The following SLC39A11 variants were observed in gnomAD, a reference collection of about 807,000 sequenced individuals.
The protein encoded by SLC39A11 is solute carrier family 39 member 11, also known as zinc transporter ZIP11.
In SLC39A11, 33 loss-of-function variants were observed where a neutral mutation model predicts 36.1. That is an observed-to-expected ratio of 0.91 (90% CI 0.69 to 1.22). The LOEUF is 1.22. SLC39A11 is among the 50% of genes most tolerant of loss of function. SLC39A11 has a pLI of 0.00. For synonymous variants in SLC39A11, 166 were observed against 170.3 expected, an observed-to-expected ratio of 0.97 and a Z score of 0.20; for missense variants, 432 against 430.3, an observed-to-expected ratio of 1.00 and a Z score of -0.03.
intron 7 of SLC39A11, among the ~76,000 whole-genome samples, chr17:72,700,767 A>G (rs2072571879): frequency 6.6e-6 from 1 of 152,262 alleles, no homozygotes; most frequent in South Asian, 2.1e-4. Context: ...TGAAAGGCAC[A>G]TCTCACATGG....
chr17:72,902,487 G>A (rs1040321090), intron 5 of SLC39A11, among the ~76,000 whole-genome samples: 1 of 152,156 alleles, frequency 6.6e-6, no homozygotes, highest in East Asian at 1.9e-4. Flanking sequence ...ATTTCAGACC[G>A]ATGGTCTCCC....
chr17:72,855,961 AG>A (rs1252387732), intron 5 of SLC39A11, among the ~76,000 whole-genome samples: 3 of 151,946 alleles, frequency 2.0e-5, no homozygotes, highest in African/African-American at 7.2e-5. Context: ...TGTTTCCCAA[AG>A]AATCAGTCTA....
chr17:72,698,639 C>G (rs1485638733), intron 7 of SLC39A11, among the ~76,000 whole-genome samples: 3 of 152,080 alleles, frequency 2.0e-5, no homozygotes, highest in African/African-American at 7.2e-5. Flanking sequence ...TGACTTAAAG[C>G]CACTTTCCTT....
At chr17:73,054,309 C>T (rs955518070) in intron 3 of SLC39A11, among the ~76,000 whole-genome samples, 3 of 151,690 alleles carry the variant, frequency 2.0e-5, no homozygotes, top group African/African-American at 7.3e-5. Context: ...TTGCAGTGAG[C>T]CAAGATCGCC....
chr17:73,080,858 T>A (rs2060484333), intron 3 of SLC39A11, among the ~76,000 whole-genome samples: 1 of 151,906 alleles, frequency 6.6e-6, no homozygotes, highest in South Asian at 2.1e-4. Flanking sequence ...GGCAGGAGAA[T>A]CGCTTGAACC....
At position 72,721,217 on chromosome 17, in the gene SLC39A11, C is replaced by G. The variant is rs576251846; in HGVS notation, c.671+15433G>C. Among the ~76,000 whole-genome samples the G allele has an allele frequency of 3.3e-5, 5 of 152,168 alleles. 1 individual carries two copies. The South Asian group carries it at 1.0e-3, about 32-fold the overall frequency. On this transcript the variant is annotated intron_variant, in intron 7 of 9. Coordinates refer to ENST00000255559, the MANE Select transcript of SLC39A11 (RefSeq NM_139177.4). Reference sequence around the variant, plus strand: ...GTTCAAGCGATTCTCCCGCCTCAGCCTCCTGAGTAGGTGGGATTACAGATG... The same window carrying G: ...GTTCAAGCGATTCTCCCGCCTCAGCGTCCTGAGTAGGTGGGATTACAGATG...
At chr17:72,967,447 A>T (rs1292443368) in intron 4 of SLC39A11, among the ~76,000 whole-genome samples, 2 of 148,820 alleles carry the variant, frequency 1.3e-5, no homozygotes, top group Non-Finnish European at 3.0e-5. Flanking sequence ...CCAGCTCCTA[A>T]GCATATCCTG....
intron 7 of SLC39A11, among the ~76,000 whole-genome samples, chr17:72,662,423 G>GAAAGAAAGAA (rs1252150326): frequency 9.0e-6 from 1 of 111,488 alleles, no homozygotes; most frequent in Non-Finnish European, 1.9e-5. Context: ...AAAAGAAAGA[G>GAAAGAAAGAA]AAAGAAAGAA....
In SLC39A11 at chr17:72,880,078, T is replaced by C. The variant is rs189773228; in HGVS notation, c.431-30274A>G. On this transcript the variant is annotated intron_variant, in intron 5 of 9. Coordinates refer to ENST00000255559, the MANE Select transcript of SLC39A11 (RefSeq NM_139177.4). ...TGAGATGATTAAACTCTTTCTCTGC[T>C]GCAACTCCTGCTGTTTCAGTGTGTT... Among the ~76,000 whole-genome samples the C allele has an allele frequency of 1.7e-4, 26 of 152,356 alleles. No individual in the cohort carries two copies. In the East Asian group the frequency reaches 4.2e-3, roughly 25 times the overall value.
intron 4 of SLC39A11, among the ~76,000 whole-genome samples, chr17:72,984,302 G>A (rs1303115748): frequency 6.6e-6 from 1 of 151,400 alleles, no homozygotes; most frequent in East Asian, 1.9e-4. Context: ...AAGTAGCCAT[G>A]AGACCTGAAG....
Position 73,039,593 on chromosome 17 carries a change from T to C in SLC39A11, c.148-7879A>G, listed in dbSNP as rs557056337. Among the ~76,000 whole-genome samples, 215 of 152,334 alleles carry C rather than the reference T, an allele frequency of 1.4e-3. 1 individual carries two copies. Among genetic ancestry groups the C allele is most frequent in the African/African-American group, 5.0e-3 (208 of 41,562 alleles). On this transcript the variant is annotated intron_variant, in intron 3 of 9. Coordinates refer to ENST00000255559, the MANE Select transcript of SLC39A11 (RefSeq NM_139177.4). Reference sequence around the variant, plus strand: ...GTCTAATGCCTAATTTTTACAGTAATTTTTAGCTTCCAAATTAAGTATTAT... The same window carrying C: ...GTCTAATGCCTAATTTTTACAGTAACTTTTAGCTTCCAAATTAAGTATTAT...
At chr17:73,087,130 C>A (rs537615162) in intron 2 of SLC39A11, among the ~76,000 whole-genome samples, 7 of 152,256 alleles carry the variant, frequency 4.6e-5, no homozygotes, top group Admixed American at 3.3e-4. Flanking sequence ...TTTCTGCCCT[C>A]CTCTGTGGCC....
At chr17:72,957,671 C>T (rs2452923) in intron 4 of SLC39A11, among the ~76,000 whole-genome samples, 137,794 of 152,224 alleles carry the variant, frequency 0.91, 63,894 homozygotes, top group East Asian at 1. Flanking sequence ...ATATAAAAAT[C>T]AGCCAGGCGT....
chr17:72,971,123 A>C (rs1425971870), intron 4 of SLC39A11, among the ~76,000 whole-genome samples: 1 of 152,228 alleles, frequency 6.6e-6, no homozygotes, highest in Non-Finnish European at 1.5e-5. Context: ...TCTGCTGACC[A>C]TACGAGTGAC....
intron 4 of SLC39A11, among the ~76,000 whole-genome samples, chr17:73,007,065 G>A (rs1456909275): frequency 6.6e-6 from 1 of 152,142 alleles, no homozygotes; most frequent in African/African-American, 2.4e-5. Flanking sequence ...GCCCATCAGC[G>A]ACATGGGCAG....
chr17:72,787,237 C>G (rs560716276), intron 6 of SLC39A11, among the ~76,000 whole-genome samples: 1 of 146,396 alleles, frequency 6.8e-6, no homozygotes, highest in African/African-American at 2.5e-5. Flanking sequence ...GTCACTTTGA[C>G]TGCTATAACC....
intron 3 of SLC39A11, chr17:73,068,276 G>A (rs559165155): frequency 6.3e-5 from 43 of 686,172 alleles, no homozygotes; most frequent in African/African-American, 2.7e-4. Context: ...CATGGACTGC[G>A]GCTCCTCCAC....
At position 72,699,019 on chromosome 17, in the gene SLC39A11, C is replaced by T. The variant is rs554830833; in HGVS notation, c.671+37631G>A. 3.8e-4 allele frequency among the ~76,000 whole-genome samples: 58 copies of T among 152,152 alleles called. 1 individual carries two copies. The highest frequency in any genetic ancestry group is 1.5e-3 in the East Asian group (8 of 5,162). ...ATAATTTTTGTATTTTTAGTAGAGA[C>T]GGGGTTTCACCATGTTAGCCAGGAT... On this transcript the variant is annotated intron_variant, in intron 7 of 9. Coordinates refer to ENST00000255559, the MANE Select transcript of SLC39A11 (RefSeq NM_139177.4).
At chr17:72,698,459 C>CAAAAAAAAAAAAAAA (rs61454778) in intron 7 of SLC39A11, among the ~76,000 whole-genome samples, 3 of 92,996 alleles carry the variant, frequency 3.2e-5, no homozygotes, top group Admixed American at 1.3e-4. Flanking sequence ...TAATAAAAAC[C>CAAAAAAAAAAAAAAA]AAAAAAAAAA....
Sources: gnomAD v4.1 joint callset for allele counts (sites outside exome capture counted in the v4.1 genomes callset) on GRCh38, gnomAD v4.1.1 for gene constraint, MANE v1.5 for transcripts, NCBI Gene and HGNC (gene_info 2026-07-23, HGNC 2026-07-21) for gene names.